The following ADGRL3 variants were observed in gnomAD, a reference collection of about 807,000 sequenced individuals.
ADGRL3 encodes calcium-independent alpha-latrotoxin receptor 3.
A neutral mutation model predicts 153.5 loss-of-function variants in ADGRL3; 62 were observed. The observed-to-expected ratio is 0.40, with a 90% CI of 0.33 to 0.50. The LOEUF (loss-of-function observed/expected upper bound fraction) is 0.50. Among genes scored for constraint, ADGRL3 ranks in the 20% least tolerant of loss-of-function variants. The probability of loss-of-function intolerance (pLI) is 0.47; values close to 1 mark genes in which losing one functional copy is unlikely to be tolerated. For synonymous variants in ADGRL3, 710 were observed against 672.5 expected, an observed-to-expected ratio of 1.06 and a Z score of -0.86; for missense variants, 1,641 against 1,859.4, an observed-to-expected ratio of 0.88 and a Z score of 2.16.
intron 1 of ADGRL3, among the ~76,000 whole-genome samples, chr4:61,304,501 T>G (rs2094700454): frequency 6.6e-6 from 1 of 152,220 alleles, no homozygotes; most frequent in African/African-American, 2.4e-5. Flanking sequence ...GTTTTGTACT[T>G]TATGCATTCT....
chr4:61,331,099 G>A (rs2095563413), intron 1 of ADGRL3, among the ~76,000 whole-genome samples: 1 of 152,176 alleles, frequency 6.6e-6, no homozygotes, highest in Non-Finnish European at 1.5e-5. Flanking sequence ...CTGCTCCTTA[G>A]CAGGGACTGT....
At chr4:61,774,304 C>G (rs1477637810) in intron 8 of ADGRL3, among the ~76,000 whole-genome samples, 3 of 149,392 alleles carry the variant, frequency 2.0e-5, no homozygotes, top group Non-Finnish European at 4.4e-5. Context: ...TTGCAGTGAG[C>G]CAAGATCGCG....
At position 61,925,921 on chromosome 4, in the gene ADGRL3, G is replaced by A. The variant is rs150526119; in HGVS notation, c.2113-8919G>A. ...ATTATAGTCATGCATTACCAGTGAG[G>A]ATACATTCCGAGAAATGCTTCATTT... On this transcript the variant is annotated intron_variant, in intron 13 of 26. Transcript: ENST00000683033. Among the ~76,000 whole-genome samples, 4 of 152,248 alleles carry A rather than the reference G, an allele frequency of 2.6e-5. No homozygotes were observed. In the East Asian group the frequency reaches 7.7e-4, roughly 29 times the overall value.
At chr4:61,710,620 A>G (rs2095956352) in intron 6 of ADGRL3, among the ~76,000 whole-genome samples, 1 of 152,200 alleles carries the variant, frequency 6.6e-6, no homozygotes, top group African/African-American at 2.4e-5. Flanking sequence ...TAAGGTATAG[A>G]TAAATGACGC....
At chr4:61,920,029 T>G (rs1006947662) in intron 13 of ADGRL3, among the ~76,000 whole-genome samples, 1 of 152,222 alleles carries the variant, frequency 6.6e-6, no homozygotes, top group African/African-American at 2.4e-5. Context: ...TTGCACCAAC[T>G]TGTATTCTCT....
chr4:62,014,767 G>T (rs1242132779), intron 21 of ADGRL3, among the ~76,000 whole-genome samples: 1 of 152,118 alleles, frequency 6.6e-6, no homozygotes, highest in Non-Finnish European at 1.5e-5. Context: ...AGTTACCACA[G>T]ATGATCACTG....
At chr4:61,651,551 T>G (rs757872958) in intron 5 of ADGRL3, among the ~76,000 whole-genome samples, 1 of 152,028 alleles carries the variant, frequency 6.6e-6, no homozygotes, top group Non-Finnish European at 1.5e-5. Flanking sequence ...TAAAATATCA[T>G]TGAGTAATGT....
chr4:61,638,923 T>A (rs2150133116), intron 5 of ADGRL3, among the ~76,000 whole-genome samples: 1 of 152,336 alleles, frequency 6.6e-6, no homozygotes, highest in Admixed American at 6.5e-5. Flanking sequence ...CTTCACTTAA[T>A]TTGAGTGGTC....
rs1384466234 is a variant in ADGRL3, at chr4:61,449,194, G to A, written c.-173-47927G>A. ...CTCTGTCGCCAGGCTGGAGTGGAAT[G>A]GGGTGATCCTGGCTCACTGCAACCT... On this transcript the variant is annotated intron_variant, in intron 2 of 26. Coordinates refer to ENST00000683033, the MANE Select transcript of ADGRL3 (RefSeq NM_001387552.1). Among the ~76,000 whole-genome samples, 3 of 151,918 alleles carry A rather than the reference G, an allele frequency of 2.0e-5. No homozygotes were observed. In the South Asian group the frequency reaches 6.2e-4, roughly 32 times the overall value.
At chr4:62,059,831 G>A (rs141531335) in intron 25 of ADGRL3, among the ~76,000 whole-genome samples, 45 of 152,090 alleles carry the variant, frequency 3.0e-4, no homozygotes, top group African/African-American at 1.0e-3. Context: ...CAGAAATGAC[G>A]GAACAATAAA....
At position 61,730,617 on chromosome 4, in the gene ADGRL3, A is replaced by G. The variant is rs1419733754; in HGVS notation, c.584-5A>G. On this transcript the variant is annotated splice_region_variant and splice_polypyrimidine_tract_variant and intron_variant, in intron 6 of 26. Transcript: ENST00000683033. Reference sequence around the variant, plus strand: ...TTTCTCTCTTTACTTCTCTCTCTCCAATAGAAGTGGAACAAAAAGGTAATT... The same window carrying G: ...TTTCTCTCTTTACTTCTCTCTCTCCGATAGAAGTGGAACAAAAAGGTAATT... The G allele has an allele frequency of 1.2e-5, 7 of 561,788 alleles. No individual in the cohort carries two copies. Among genetic ancestry groups the G allele is most frequent in the Non-Finnish European group, 6.0e-6 (2 of 334,128 alleles). 34.8% of individuals were successfully genotyped at this position (561,788 alleles called of 1,614,324 possible). A position where few individuals can be genotyped will look rare whatever the true frequency, so the allele number is the denominator to read the frequency against.
chr4:61,870,782 A>G (rs1272311081), intron 9 of ADGRL3, among the ~76,000 whole-genome samples: 1 of 152,178 alleles, frequency 6.6e-6, no homozygotes, highest in East Asian at 1.9e-4. Flanking sequence ...AATCAAAATG[A>G]CAGATAACTT....
At position 61,371,993 on chromosome 4, in the gene ADGRL3, G is replaced by A. The variant is rs532686083; in HGVS notation, c.-239-11131G>A. Among the ~76,000 whole-genome samples, 236 of 151,830 alleles carry A rather than the reference G, an allele frequency of 1.6e-3. 2 individuals carry two copies. The highest frequency in any genetic ancestry group is 5.4e-3 in the South Asian group (26 of 4,800). On this transcript the variant is annotated intron_variant, in intron 1 of 26. Coordinates refer to ENST00000683033, the MANE Select transcript of ADGRL3 (RefSeq NM_001387552.1). The stretch of plus-strand genomic sequence containing the variant: ...CATTTCATTCATTTCATCTTCCATC[G>A]CTGATACCCTTTCTCCAGTTGATGG...
At chr4:61,666,200 C>T (rs952064335) in intron 5 of ADGRL3, among the ~76,000 whole-genome samples, 2 of 152,030 alleles carry the variant, frequency 1.3e-5, no homozygotes, top group Non-Finnish European at 1.5e-5. Flanking sequence ...TTATTACAAG[C>T]AAATATGAGG....
At chr4:61,542,308 A>G (rs2098694141) in intron 4 of ADGRL3, among the ~76,000 whole-genome samples, 1 of 152,198 alleles carries the variant, frequency 6.6e-6, no homozygotes, top group Non-Finnish European at 1.5e-5. Context: ...ATTTACTGTG[A>G]ACAAATATAC....
In ADGRL3 at chr4:61,986,705, T is replaced by C. The variant is rs2099086613; in HGVS notation, c.3236+3102T>C. Among the ~76,000 whole-genome samples, 5 of 152,160 alleles carry C rather than the reference T, an allele frequency of 3.3e-5. No individual in the cohort carries two copies. In the South Asian group the frequency reaches 1.0e-3, roughly 32 times the overall value. On this transcript the variant is annotated intron_variant, in intron 19 of 26. Coordinates refer to ENST00000683033, the MANE Select transcript of ADGRL3 (RefSeq NM_001387552.1). ...TAGATGGAAGAGAGATAGGAAAAGA[T>C]AGGGAAAATTTCATTATTTCAATTA...
chr4:61,903,075 A>G (rs1021593184), intron 11 of ADGRL3, among the ~76,000 whole-genome samples: 1 of 152,192 alleles, frequency 6.6e-6, no homozygotes, highest in African/African-American at 2.4e-5. Flanking sequence ...ACACAAACAC[A>G]TGGATATGCA....
intron 9 of ADGRL3, among the ~76,000 whole-genome samples, chr4:61,871,552 A>G (rs892996791): frequency 2.6e-5 from 4 of 152,172 alleles, no homozygotes; most frequent in African/African-American, 9.6e-5. Context: ...TTTATATGAA[A>G]TCTCTAGACC....
chr4:61,539,374 T>A (rs1334144236), intron 4 of ADGRL3, among the ~76,000 whole-genome samples: 1 of 152,156 alleles, frequency 6.6e-6, no homozygotes, highest in African/African-American at 2.4e-5. Context: ...TGGTTATCAG[T>A]ACAATTGACA....
Sources: gnomAD v4.1 joint callset for allele counts (sites outside exome capture counted in the v4.1 genomes callset) on GRCh38, gnomAD v4.1.1 for gene constraint, MANE v1.5 for transcripts, NCBI Gene and HGNC (gene_info 2026-07-23, HGNC 2026-07-21) for gene names.